ACSS2: variants seen among roughly 807,000 people sequenced by gnomAD.
The protein encoded by ACSS2 is acyl-CoA synthetase short chain family member 2.
In ACSS2, 58 loss-of-function variants were observed where a neutral mutation model predicts 90.6. That is an observed-to-expected ratio of 0.64 (90% CI 0.52 to 0.80). The LOEUF (loss-of-function observed/expected upper bound fraction) is 0.80. Ranked by LOEUF, ACSS2 falls within the 30% of genes least tolerant of loss-of-function variation. The pLI is 0.00. For missense variants in ACSS2, 759 were observed against 912.0 expected, an observed-to-expected ratio of 0.83 and a Z score of 2.16; for synonymous variants, 300 against 330.9, an observed-to-expected ratio of 0.91 and a Z score of 1.01.
chr20:34,903,097 C>G (rs950286122), intron 2 of ACSS2, among the ~76,000 whole-genome samples: 3 of 151,838 alleles, frequency 2.0e-5, no homozygotes, highest in Non-Finnish European at 4.4e-5. Context: ...AATCCCAGCA[C>G]TTTGGGAGCC....
intron 2 of ACSS2, among the ~76,000 whole-genome samples, chr20:34,902,311 TTAA>T (rs1245031117): frequency 2.0e-5 from 3 of 152,128 alleles, no homozygotes; most frequent in East Asian, 1.9e-4. Flanking sequence ...ATTAATTCTA[TTAA>T]TAATATTAAC....
At position 34,927,405 on chromosome 20, in the gene ACSS2, C is replaced by A; in HGVS notation, c.*191C>A. On this transcript the variant is annotated 3_prime_UTR_variant, in exon 18 of 18. Transcript: ENST00000360596. The surrounding 1 kb of genome is among the most constrained non-coding windows in gnomAD (Gnocchi z 4.2). ...GACTGCCAGGCAGAAAGGACAGGGC[C>A]CAGGTCAGCCTCAGTCTGCTGTGCC... 1 of 732,470 alleles carries A rather than the reference C, an allele frequency of 1.4e-6. No individual in the cohort carries two copies. Among genetic ancestry groups the A allele is most frequent in the Non-Finnish European group, 2.2e-6 (1 of 450,058 alleles). The allele number at this position is 732,470 out of a possible 1,614,324, so 45.4% of individuals were successfully genotyped here.
chr20:34,895,554 G>A (rs920866493), intron 2 of ACSS2, among the ~76,000 whole-genome samples: 1 of 152,214 alleles, frequency 6.6e-6, no homozygotes, highest in Non-Finnish European at 1.5e-5. Context: ...TGATTTCTCA[G>A]AGAAGCTCTC....
intron 2 of ACSS2, among the ~76,000 whole-genome samples, chr20:34,901,077 T>C (rs904169291): frequency 1.1e-4 from 17 of 152,206 alleles, no homozygotes; most frequent in Non-Finnish European, 2.1e-4. Flanking sequence ...TTCTAGTGTT[T>C]GATAGCTATA....
At chr20:34,913,264 G>A in intron 3 of ACSS2, 77 bp downstream of exon 3, 1 of 1,563,852 alleles carries the variant, frequency 6.4e-7, no homozygotes, top group South Asian at 1.1e-5. Context: ...TGGGGAGAGG[G>A]CAAGGGATGG....
At chr20:34,875,859 A>G (rs1568953405), upstream of ACSS2, 2 of 152,334 alleles carry the variant, frequency 1.3e-5, no homozygotes, top group African/African-American at 2.4e-5. Flanking sequence ...TTAGATCTGG[A>G]TGGAGATTTG....
At chr20:34,889,860 C>T (rs1166715289) in intron 2 of ACSS2, among the ~76,000 whole-genome samples, 1 of 152,090 alleles carries the variant, frequency 6.6e-6, no homozygotes, top group Non-Finnish European at 1.5e-5. Flanking sequence ...GGATGAGGTC[C>T]AGGTATGGGA....
At chr20:34,906,626 ACT>A (rs557520540) in intron 2 of ACSS2, among the ~76,000 whole-genome samples, 168 of 152,168 alleles carry the variant, frequency 1.1e-3, no homozygotes, top group Middle Eastern at 3.4e-3. Context: ...CTTCTTGTGC[ACT>A]CTCTATGTAC....
intron 2 of ACSS2, among the ~76,000 whole-genome samples, chr20:34,899,948 C>T (rs1601323635): frequency 6.6e-6 from 1 of 152,152 alleles, no homozygotes; most frequent in Admixed American, 6.5e-5. Context: ...ATTGCTGAGT[C>T]ATATGGTAAG....
At chr20:34,900,914 A>C (rs1253232072) in intron 2 of ACSS2, among the ~76,000 whole-genome samples, 3 of 152,130 alleles carry the variant, frequency 2.0e-5, no homozygotes, top group African/African-American at 4.8e-5. Context: ...CCCCTTTTGG[A>C]GGCCATGTCA....
chr20:34,878,965 C>T (rs2079995319), intron 1 of ACSS2, among the ~76,000 whole-genome samples: 1 of 141,452 alleles, frequency 7.1e-6, no homozygotes, highest in South Asian at 2.2e-4. Flanking sequence ...AGTGCAGTGG[C>T]GCGATCTCGG....
intron 2 of ACSS2, chr20:34,909,060 T>G: frequency 1.1e-5 from 4 of 355,616 alleles, no homozygotes; most frequent in South Asian, 8.7e-5. Flanking sequence ...GAAATAGCTC[T>G]TTAAGCTTGG....
At chr20:34,899,416 T>TTCTTTCTCTC (rs1555882540) in intron 2 of ACSS2, among the ~76,000 whole-genome samples, 1 of 116,412 alleles carries the variant, frequency 8.6e-6, no homozygotes, top group Non-Finnish European at 1.7e-5. Context: ...CTTTCTTTCT[T>TTCTTTCTCTC]TCTTTCTTTC....
In ACSS2 at chr20:34,921,471, AG is replaced by A; in HGVS notation, c.1410+12del. 6.2e-7 allele frequency: 1 copy of A among 1,614,198 alleles called. No homozygotes were observed. Among genetic ancestry groups the A allele is most frequent in the Non-Finnish European group, 8.5e-7 (1 of 1,180,024 alleles). ...TCTGGCAAACAGAGACAGTGAGTGA[AG>A]GGTACAGAAGGCTGGGGCCCAGGGA... On this transcript the variant is annotated intron_variant, in intron 11 of 17. Transcript: ENST00000360596.
In ACSS2 at chr20:34,882,814, A is replaced by G; in HGVS notation, c.199A>G (p.Lys67Glu). The change falls in exon 2 of 18, where the codon AAG becomes GAG. Residue 67 changes from lysine (K) to glutamate (E), a missense_variant. Transcript: ENST00000360596. ...TGCAGAATTCTGGGGAGACATTGCC[A>G]AGGAATTTTACTGGAAGACTCCATG... is the stretch of plus-strand genomic sequence containing the variant. ...EPREFWGDIA[K>E]EFYWKTPCPG... 1.9e-6 allele frequency: 3 copies of G among 1,612,398 alleles called. No individual in the cohort carries two copies. Among genetic ancestry groups the G allele is most frequent in the Non-Finnish European group, 2.5e-6 (3 of 1,179,540 alleles).
At chr20:34,879,965 A>T (rs2080031807) in intron 1 of ACSS2, among the ~76,000 whole-genome samples, 1 of 152,192 alleles carries the variant, frequency 6.6e-6, no homozygotes, top group Non-Finnish European at 1.5e-5. Flanking sequence ...TAAGACCATA[A>T]TGTCATAAAG....
intron 12 of ACSS2, 31 bp from the exon 13 acceptor site, chr20:34,921,755 T>C: frequency 6.2e-7 from 1 of 1,612,190 alleles, no homozygotes; most frequent in Non-Finnish European, 8.5e-7. Context: ...CTCATTCCTC[T>C]TCTTGGGTTC....
In ACSS2 at chr20:34,927,872, A is replaced by G. The variant is rs998029204; in HGVS notation, c.*658A>G. The G allele has an allele frequency of 6.5e-6, 1 of 152,788 alleles. No individual in the cohort carries two copies. Among genetic ancestry groups the G allele is most frequent in the African/African-American group, 2.4e-5 (1 of 41,460 alleles). The allele number at this position is 152,788 out of a possible 1,614,324, so 9.5% of individuals were successfully genotyped here. ...CCCTCCCCTGAACAGAACCCAGCCCATAAGAGACATTCTCAGATGAAACTC... is the reference window on the plus strand; with the variant it reads ...CCCTCCCCTGAACAGAACCCAGCCCGTAAGAGACATTCTCAGATGAAACTC... On this transcript the variant is annotated 3_prime_UTR_variant, in exon 18 of 18. Coordinates refer to ENST00000360596, the MANE Select transcript of ACSS2 (RefSeq NM_018677.4). The surrounding 1 kb of genome is among the most constrained non-coding windows in gnomAD (Gnocchi z 4.2).
At chr20:34,894,430 A>C (rs1354228794) in intron 2 of ACSS2, among the ~76,000 whole-genome samples, 1 of 152,108 alleles carries the variant, frequency 6.6e-6, no homozygotes, top group Non-Finnish European at 1.5e-5. Context: ...GCAGAGGTTG[A>C]AGTGAGCCAA....
Sources: gnomAD v4.1 joint callset for allele counts (sites outside exome capture counted in the v4.1 genomes callset) on GRCh38, gnomAD v4.1.1 for gene constraint, Gnocchi (gnomAD v3.1) non-coding constraint, MANE v1.5 for transcripts, NCBI Gene and HGNC (gene_info 2026-07-23, HGNC 2026-07-21) for gene names.